LMOD1: variants seen among roughly 807,000 people sequenced by gnomAD.
LMOD1 encodes the protein leiomodin-1.
LMOD1 carries 8 observed loss-of-function variants against 36.5 expected under a neutral mutation model. The ratio of observed to expected loss-of-function variants is 0.22; its 90% CI spans 0.13 to 0.40. LMOD1 has a LOEUF of 0.40. LMOD1 is among the 10% of genes least tolerant of loss of function. The pLI is 1.00. For synonymous variants in LMOD1, 284 were observed against 288.7 expected, an observed-to-expected ratio of 0.98 and a Z score of 0.17; for missense variants, 630 against 751.1, an observed-to-expected ratio of 0.84 and a Z score of 1.88.
chr1:201,901,557 T>TACAC (rs1681311311), intron 1 of LMOD1, among the ~76,000 whole-genome samples: 1 of 36,164 alleles, frequency 2.8e-5, no homozygotes, highest in African/African-American at 1.6e-4. Flanking sequence ...TATATACATA[T>TACAC]ATATATGTAT....
chr1:201,926,267 C>T (rs1027153838), intron 1 of LMOD1, among the ~76,000 whole-genome samples: 13 of 152,140 alleles, frequency 8.5e-5, no homozygotes, highest in African/African-American at 2.2e-4. Flanking sequence ...TAAGTCTCTG[C>T]GTTTCCAGTG....
intron 1 of LMOD1, among the ~76,000 whole-genome samples, chr1:201,906,952 T>C (rs1681422069): frequency 6.6e-6 from 1 of 152,230 alleles, no homozygotes; most frequent in Non-Finnish European, 1.5e-5. Flanking sequence ...TGGCACCAGC[T>C]GTCCTGGGTA....
intron 1 of LMOD1, among the ~76,000 whole-genome samples, chr1:201,932,882 T>C (rs1421382887): frequency 6.6e-6 from 1 of 152,236 alleles, no homozygotes; most frequent in Non-Finnish European, 1.5e-5. Flanking sequence ...ATCATCCTTA[T>C]TGACAGAAGA....
At chr1:201,898,490 G>A in intron 2 of LMOD1, 92 bp from the exon 3 acceptor site, 1 of 1,126,756 alleles carries the variant, frequency 8.9e-7, no homozygotes, top group Admixed American at 2.5e-5. Context: ...ACTGCAATAT[G>A]TTATGTCTGT....
chr1:201,897,063 C>T lies in LMOD1; in HGVS notation c.*1309G>A, dbSNP rs2102905995. 2 of 275,290 alleles carry T rather than the reference C, an allele frequency of 7.3e-6. No homozygotes were observed. Among genetic ancestry groups the T allele is most frequent in the South Asian group, 3.6e-5 (1 of 27,900 alleles). 17.1% of individuals were successfully genotyped at this position (275,290 alleles called of 1,614,324 possible). A position where few individuals can be genotyped will look rare whatever the true frequency, so the allele number is the denominator to read the frequency against. On this transcript the variant is annotated 3_prime_UTR_variant, in exon 3 of 3. Transcript: ENST00000367288. ...CAGAAAGATGCCTTTCACCTACACC[C>T]GATGGTGGGCATGGCAGCATTGTCA...
At chr1:201,940,214 G>A (rs1354734735) in intron 1 of LMOD1, among the ~76,000 whole-genome samples, 1 of 138,422 alleles carries the variant, frequency 7.2e-6, no homozygotes, top group Non-Finnish European at 1.5e-5. Context: ...TTGAGATGGA[G>A]TCTTGCTCTG....
intron 1 of LMOD1, among the ~76,000 whole-genome samples, chr1:201,932,855 C>G (rs557335458): frequency 6.6e-6 from 1 of 152,174 alleles, no homozygotes; most frequent in African/African-American, 2.4e-5. Flanking sequence ...CTCATGGAGA[C>G]CTTCAAATTA....
chr1:201,933,991 G>A (rs574443175), intron 1 of LMOD1, among the ~76,000 whole-genome samples: 4 of 152,188 alleles, frequency 2.6e-5, no homozygotes, highest in South Asian at 2.1e-4. Context: ...GTCCCACCAC[G>A]CCAGCTGTCA....
chr1:201,914,396 C>T (rs1681565208), intron 1 of LMOD1, among the ~76,000 whole-genome samples: 1 of 152,110 alleles, frequency 6.6e-6, no homozygotes. Context: ...TTGCCTTCCT[C>T]ATCTGTAAAA....
intron 1 of LMOD1, among the ~76,000 whole-genome samples, chr1:201,936,136 C>A (rs768040825): frequency 3.1e-4 from 46 of 150,466 alleles, no homozygotes; most frequent in Non-Finnish European, 5.9e-4. Flanking sequence ...CAAATTCACC[C>A]AATAGCTTAG....
At chr1:201,928,498 G>T (rs898092541) in intron 1 of LMOD1, among the ~76,000 whole-genome samples, 7 of 152,170 alleles carry the variant, frequency 4.6e-5, no homozygotes, top group African/African-American at 1.7e-4. Context: ...AAAGGGGTGG[G>T]CTCTGTGAGT....
chr1:201,901,594 ATGTATATATATATATACACATATATATG>A (rs1558234753), intron 1 of LMOD1, among the ~76,000 whole-genome samples: 106 of 8,974 alleles, frequency 0.012, 4 homozygotes, highest in Non-Finnish European at 0.015. Context: ...ACATATATAT[ATGTATATATATATATACACATATATATG>A]TGTGTGTGTA....
At chr1:201,934,767 C>T (rs1167987345) in intron 1 of LMOD1, among the ~76,000 whole-genome samples, 1 of 152,200 alleles carries the variant, frequency 6.6e-6, no homozygotes, top group Non-Finnish European at 1.5e-5. Context: ...TTCTCTGTCT[C>T]ACCTTATTAA....
intron 1 of LMOD1, among the ~76,000 whole-genome samples, chr1:201,939,746 T>C (rs1223504083): frequency 6.9e-6 from 1 of 145,768 alleles, no homozygotes; most frequent in Non-Finnish European, 1.5e-5. Context: ...CTGTGTGTTG[T>C]TCCTCTGCTC....
At chr1:201,903,833 T>C (rs112730148) in intron 1 of LMOD1, among the ~76,000 whole-genome samples, 1 of 152,226 alleles carries the variant, frequency 6.6e-6, no homozygotes, top group Admixed American at 6.5e-5. Flanking sequence ...CACTGTGCAC[T>C]GCATAGCTTC....
chr1:201,940,183 CTTTTTTTTTTTT>C (rs34390949), intron 1 of LMOD1, among the ~76,000 whole-genome samples: 16 of 123,406 alleles, frequency 1.3e-4, no homozygotes, highest in Non-Finnish European at 2.4e-4. Context: ...CAGCCAAGCT[CTTTTTTTTTTTT>C]TTTTTTTTTT....
At chr1:201,908,593 A>G (rs1398126942) in intron 1 of LMOD1, among the ~76,000 whole-genome samples, 2 of 152,038 alleles carry the variant, frequency 1.3e-5, no homozygotes, top group East Asian at 1.9e-4. Flanking sequence ...GGGCTTTGGT[A>G]TATGTTGTGG....
At chr1:201,917,618 AC>A (rs1681632929) in intron 1 of LMOD1, among the ~76,000 whole-genome samples, 1 of 147,192 alleles carries the variant, frequency 6.8e-6, no homozygotes. Flanking sequence ...TTTTGGAGAA[AC>A]CGGGAAATCT....
At chr1:201,918,675 C>T (rs1453082931) in intron 1 of LMOD1, among the ~76,000 whole-genome samples, 1 of 152,144 alleles carries the variant, frequency 6.6e-6, no homozygotes, top group Non-Finnish European at 1.5e-5. Flanking sequence ...TTTTGTTCCT[C>T]CTCCTTCTTT....
Sources: allele counts gnomAD v4.1 joint callset (sites outside exome capture counted in the v4.1 genomes callset), GRCh38; gene constraint gnomAD v4.1.1; transcripts MANE v1.5; gene names NCBI Gene and HGNC (gene_info 2026-07-23, HGNC 2026-07-21).